The following TACC2 variants were observed in gnomAD, a reference collection of about 807,000 sequenced individuals.
TACC2 encodes the protein transforming acidic coiled-coil containing protein 2, also known as transforming acidic coiled-coil-containing protein 2.
In TACC2, 137 loss-of-function variants were observed where a neutral mutation model predicts 227.3. The ratio of observed to expected loss-of-function variants is 0.60; its 90% CI spans 0.52 to 0.69. TACC2 has a LOEUF of 0.69. Ranked by LOEUF, TACC2 falls within the 30% of genes least tolerant of loss-of-function variation. The pLI is 0.00. For synonymous variants in TACC2, 1,523 were observed against 1,487.5 expected (o/e 1.02, Z -0.55); for missense variants, 3,470 against 3,694.4 (o/e 0.94, Z 1.57).
intron 7 of TACC2, among the ~76,000 whole-genome samples, chr10:122,174,525 G>A (rs2093619209): frequency 6.6e-6 from 1 of 152,214 alleles, no homozygotes; most frequent in Non-Finnish European, 1.5e-5. Context: ...AGGTAAGAAA[G>A]AGAATGCATA....
intron 7 of TACC2, among the ~76,000 whole-genome samples, chr10:122,161,817 A>C (rs2092829486): frequency 6.6e-6 from 1 of 152,260 alleles, no homozygotes. Context: ...ACTTTCTTCA[A>C]AACAGTAGTA....
intron 1 of TACC2, among the ~76,000 whole-genome samples, chr10:122,005,177 G>A (rs928596215): frequency 2.6e-5 from 4 of 151,470 alleles, no homozygotes; most frequent in African/African-American, 7.3e-5. Flanking sequence ...TGCCTCCCGG[G>A]TTCAAGTGAT....
rs977836267 is a variant in TACC2, at chr10:122,254,257, A to G, written c.*201A>G. The G allele has an allele frequency of 1.6e-6, 1 of 632,624 alleles. No homozygotes were observed. The highest frequency in any genetic ancestry group is 1.8e-5 in the African/African-American group (1 of 54,690). 39.2% of individuals were successfully genotyped at this position (632,624 alleles called of 1,614,324 possible). A position where few individuals can be genotyped will look rare whatever the true frequency, so the allele number is the denominator to read the frequency against. The stretch of plus-strand genomic sequence containing the variant: ...TCTTGCTATTGGTTTGCATTTTCCT[A>G]GTATAATTCATAGCAAGTTGACCTC... On this transcript the variant is annotated 3_prime_UTR_variant, in exon 23 of 23. Transcript: ENST00000369005.
At chr10:122,133,387 G>A (rs1346962664) in intron 6 of TACC2, among the ~76,000 whole-genome samples, 1 of 152,092 alleles carries the variant, frequency 6.6e-6, no homozygotes, top group Non-Finnish European at 1.5e-5. Context: ...CATTTAACCC[G>A]GGCTTTCCCA....
rs577974684 is a variant in TACC2 at position 122,045,147 on chromosome 10, A to T, written c.34-5291A>T. 3.9e-5 allele frequency among the ~76,000 whole-genome samples: 6 copies of T among 152,298 alleles called. No homozygotes were observed. In the East Asian group the frequency reaches 7.7e-4, roughly 20 times the overall value. ...TGCAGACATGGCCACCAGACTAAATAAGAATAATCTACTTTTCATACATTC... is the reference window on the plus strand; with the variant it reads ...TGCAGACATGGCCACCAGACTAAATTAGAATAATCTACTTTTCATACATTC... On this transcript the variant is annotated intron_variant, in intron 2 of 22. Transcript: ENST00000369005.
intron 3 of TACC2, among the ~76,000 whole-genome samples, chr10:122,060,780 G>T (rs976958379): frequency 5.3e-5 from 8 of 150,804 alleles, no homozygotes; most frequent in Admixed American, 2.0e-4. Context: ...CAAGGTGGGC[G>T]GATCACCTGA....
rs146833245 is a variant in TACC2 at position 122,093,691 on chromosome 10, A to G, written c.5573+5100A>G. On this transcript the variant is annotated intron_variant, in intron 5 of 22. Transcript: ENST00000369005. ...CTTGGATAAGCTGCTTAACTTTTCC[A>G]TCCTCAGTTTCTCTCTCTATAAAAT... 1.2e-4 allele frequency among the ~76,000 whole-genome samples: 19 copies of G among 152,294 alleles called. No homozygotes were observed. The East Asian group carries it at 3.1e-3, about 25-fold the overall frequency.
chr10:122,189,117 T>TA (rs938458045), intron 7 of TACC2, among the ~76,000 whole-genome samples: 15 of 151,886 alleles, frequency 9.9e-5, no homozygotes, highest in Admixed American at 3.9e-4. Context: ...TGTCAGCCCT[T>TA]AAAAAAAATG....
chr10:122,069,310 C>T (rs1476413800), intron 3 of TACC2, among the ~76,000 whole-genome samples: 5 of 152,034 alleles, frequency 3.3e-5, no homozygotes, highest in African/African-American at 9.7e-5. Flanking sequence ...GGCGCCATCT[C>T]GGCTCACTAC....
In TACC2 at chr10:122,164,584, G is replaced by C. The variant is rs147387931; in HGVS notation, c.5834+20878G>C. On this transcript the variant is annotated intron_variant, in intron 7 of 22. Transcript: ENST00000369005. ...TGACTGTGCATCGATCCAGGAATCC[G>C]ATCTTTTCTCTCAACCACAGAGCTA... Among the ~76,000 whole-genome samples, 15 of 152,348 alleles carry C rather than the reference G, an allele frequency of 9.8e-5. No homozygotes were observed. The East Asian group carries it at 2.9e-3, about 29-fold the overall frequency.
intron 19 of TACC2, among the ~76,000 whole-genome samples, chr10:122,243,692 T>C (rs1416595875): frequency 6.6e-6 from 1 of 152,074 alleles, no homozygotes. Flanking sequence ...CCTTATGTGG[T>C]GTTTGGCAAG....
intron 9 of TACC2, 98 bp downstream of exon 9, chr10:122,211,806 C>T: frequency 9.1e-7 from 1 of 1,095,634 alleles, no homozygotes; most frequent in Non-Finnish European, 1.3e-6. Context: ...CTGCCCTAAC[C>T]TTGCCCCTGG....
At chr10:122,140,982 A>C (rs2090444858) in intron 6 of TACC2, among the ~76,000 whole-genome samples, 1 of 152,086 alleles carries the variant, frequency 6.6e-6, no homozygotes, top group East Asian at 1.9e-4. Context: ...CTTGGATCTG[A>C]GGGGACAAAA....
intron 2 of TACC2, among the ~76,000 whole-genome samples, chr10:122,029,946 G>T (rs1958734585): frequency 6.6e-6 from 1 of 152,032 alleles, no homozygotes; most frequent in South Asian, 2.1e-4. Flanking sequence ...GTGTGATTTT[G>T]TGCTTCAGGG....
intron 2 of TACC2, among the ~76,000 whole-genome samples, chr10:122,049,235 C>T (rs1444365221): frequency 6.6e-6 from 1 of 152,224 alleles, no homozygotes; most frequent in Non-Finnish European, 1.5e-5. Flanking sequence ...CAGAATGAGG[C>T]CTTGGCCCCA....
intron 8 of TACC2, among the ~76,000 whole-genome samples, chr10:122,197,754 G>T (rs1393773923): frequency 6.6e-6 from 1 of 152,190 alleles, no homozygotes; most frequent in African/African-American, 2.4e-5. Context: ...GGAGACTTAC[G>T]GTTGGAACTG....
chr10:122,221,682 A>G (rs2095526691), intron 11 of TACC2, among the ~76,000 whole-genome samples: 1 of 152,192 alleles, frequency 6.6e-6, no homozygotes, highest in African/African-American at 2.4e-5. Flanking sequence ...CAGAAATACT[A>G]GCCATGAGCA....
chr10:122,237,341 T>G, intron 16 of TACC2, 54 bp from the exon 17 acceptor site: 1 of 1,538,600 alleles, frequency 6.5e-7, no homozygotes, highest in Non-Finnish European at 8.8e-7. Context: ...GTAATCCTCT[T>G]TGTCGTATGA....
chr10:122,033,740 G>A (rs1194052423), intron 2 of TACC2, among the ~76,000 whole-genome samples: 15 of 152,188 alleles, frequency 9.9e-5, no homozygotes, highest in African/African-American at 3.4e-4. Context: ...TGAGGTTAGT[G>A]TGTGTTTAGG....
Sources: gnomAD v4.1 joint callset for allele counts (sites outside exome capture counted in the v4.1 genomes callset) on GRCh38, gnomAD v4.1.1 for gene constraint, MANE v1.5 for transcripts, NCBI Gene and HGNC (gene_info 2026-07-23, HGNC 2026-07-21) for gene names.